FER: variants seen among roughly 807,000 people sequenced by gnomAD.
The protein encoded by FER is tyrosine-protein kinase Fer.
FER carries 63 observed loss-of-function variants against 111.0 expected under a neutral mutation model. The observed-to-expected ratio is 0.57, with a 90% CI of 0.46 to 0.70. FER has a LOEUF of 0.70. FER is among the 30% of genes least tolerant of loss of function. FER has a pLI of 0.00. For missense variants in FER, 914 were observed against 954.0 expected (o/e 0.96, Z 0.55); for synonymous variants, 327 against 313.9 (o/e 1.04, Z -0.44).
chr5:108,918,995 T>A (rs190443476), intron 10 of FER, among the ~76,000 whole-genome samples: 1 of 152,344 alleles, frequency 6.6e-6, no homozygotes, highest in East Asian at 1.9e-4. Flanking sequence ...GTTTCAAAAA[T>A]TTTGAAGCTG....
chr5:108,768,737 C>G (rs1752583274), intron 2 of FER, among the ~76,000 whole-genome samples: 2 of 152,170 alleles, frequency 1.3e-5, no homozygotes, highest in East Asian at 1.9e-4. Context: ...GATGAATACA[C>G]TGGATGTTCC....
At chr5:109,069,372 ATAGT>A (rs781333313) in intron 16 of FER, among the ~76,000 whole-genome samples, 4 of 152,190 alleles carry the variant, frequency 2.6e-5, no homozygotes, top group Non-Finnish European at 2.9e-5. Flanking sequence ...CGACACATGG[ATAGT>A]TAGTAGGTGG....
intron 5 of FER, among the ~76,000 whole-genome samples, chr5:108,847,948 T>A (rs1762177438): frequency 6.6e-6 from 1 of 152,138 alleles, no homozygotes; most frequent in Non-Finnish European, 1.5e-5. Context: ...GCAGTGGTGG[T>A]GCGATCATAG....
chr5:109,134,858 G>A (rs1752723621), intron 17 of FER, among the ~76,000 whole-genome samples: 1 of 152,138 alleles, frequency 6.6e-6, no homozygotes, highest in Non-Finnish European at 1.5e-5. Context: ...AGCTTTGTAG[G>A]GGACATGGCT....
At position 108,978,795 on chromosome 5, in the gene FER, T is replaced by G. The variant is rs575021814; in HGVS notation, c.1656+19448T>G. Reference sequence around the variant, plus strand: ...TAATAGGAATATTATAATTAATAAGTCAGAGACAATAGTCTGGTTCTTACT... The same window carrying G: ...TAATAGGAATATTATAATTAATAAGGCAGAGACAATAGTCTGGTTCTTACT... On this transcript the variant is annotated intron_variant, in intron 13 of 19. Coordinates refer to ENST00000281092, the MANE Select transcript of FER (RefSeq NM_005246.4). Among the ~76,000 whole-genome samples the G allele has an allele frequency of 2.1e-4, 32 of 152,280 alleles. No homozygotes were observed. In the East Asian group the frequency reaches 5.8e-3, roughly 28 times the overall value.
At chr5:109,122,208 G>A (rs1029723069) in intron 17 of FER, among the ~76,000 whole-genome samples, 1 of 151,984 alleles carries the variant, frequency 6.6e-6, no homozygotes, top group African/African-American at 2.4e-5. Context: ...GGCCCTTACA[G>A]CTCTAAACTT....
intron 17 of FER, among the ~76,000 whole-genome samples, chr5:109,139,156 C>T (rs1288727940): frequency 2.6e-5 from 4 of 152,040 alleles, no homozygotes; most frequent in South Asian, 4.2e-4. Context: ...AGGAACACAG[C>T]GGAGCTAAGT....
chr5:109,060,772 G>GTATA (rs57784433), intron 16 of FER, among the ~76,000 whole-genome samples: 1,725 of 133,558 alleles, frequency 0.013, 16 homozygotes, highest in Middle Eastern at 0.037. Context: ...GTGTGTGTGT[G>GTATA]TATATATATA....
chr5:108,805,222 T>G (rs1054090727), intron 3 of FER, among the ~76,000 whole-genome samples: 5 of 152,124 alleles, frequency 3.3e-5, no homozygotes, highest in Non-Finnish European at 7.4e-5. Flanking sequence ...ATGGGAACTT[T>G]CCTGCACAAG....
chr5:108,945,578 T>G (rs1756875081), intron 10 of FER, among the ~76,000 whole-genome samples: 1 of 151,320 alleles, frequency 6.6e-6, no homozygotes, highest in Non-Finnish European at 1.5e-5. Context: ...CCCACCCGCC[T>G]TTCTCCTCCT....
chr5:109,032,536 G>A (rs1242026911), intron 13 of FER, among the ~76,000 whole-genome samples: 4 of 152,114 alleles, frequency 2.6e-5, no homozygotes, highest in African/African-American at 9.7e-5. Context: ...AACTAAGACA[G>A]GGACAGTCAG....
rs1410824271 is a variant in FER, at chr5:108,874,337, AG to A, written c.923+2126del. ...CATTGTTTCTTAATTATAGTGATGA[AG>A]CAGTAAACAAAAATGCAATAAATTG... On this transcript the variant is annotated intron_variant, in intron 8 of 19. Coordinates refer to ENST00000281092, the MANE Select transcript of FER (RefSeq NM_005246.4). Among the ~76,000 whole-genome samples, 13 of 152,296 alleles carry A rather than the reference AG, an allele frequency of 8.5e-5. No homozygotes were observed. The East Asian group carries it at 2.5e-3, about 29-fold the overall frequency.
intron 13 of FER, among the ~76,000 whole-genome samples, chr5:108,993,846 T>C (rs1476161166): frequency 1.3e-5 from 2 of 152,190 alleles, no homozygotes; most frequent in Non-Finnish European, 2.9e-5. Context: ...ATGGTATCTT[T>C]GTGGTTTTGA....
chr5:108,947,407 TAGTA>T (rs1314409770), intron 11 of FER, among the ~76,000 whole-genome samples: 1 of 152,076 alleles, frequency 6.6e-6, no homozygotes, highest in African/African-American at 2.4e-5. Context: ...GGGCGTGAAG[TAGTA>T]TCTTACTGTA....
intron 10 of FER, among the ~76,000 whole-genome samples, chr5:108,928,744 TATAC>T (rs1363390809): frequency 1.3e-5 from 2 of 151,324 alleles, no homozygotes; most frequent in Non-Finnish European, 2.9e-5. Flanking sequence ...TATATGTACA[TATAC>T]ATATATATAA....
At chr5:108,999,940 C>T (rs146406690) in intron 13 of FER, among the ~76,000 whole-genome samples, 7 of 152,196 alleles carry the variant, frequency 4.6e-5, no homozygotes, top group Non-Finnish European at 1.0e-4. Flanking sequence ...AATTTCACTA[C>T]ATAGCACACA....
At chr5:109,183,309 C>T (rs544001500) in intron 18 of FER, among the ~76,000 whole-genome samples, 66 of 144,310 alleles carry the variant, frequency 4.6e-4, no homozygotes, top group African/African-American at 1.4e-3. Context: ...AGCGCAGCAG[C>T]GCGATCTAGG....
chr5:109,089,456 C>T (rs1777922684), intron 16 of FER, among the ~76,000 whole-genome samples: 1 of 152,068 alleles, frequency 6.6e-6, no homozygotes, highest in Non-Finnish European at 1.5e-5. Context: ...GTGCTAGTGC[C>T]TTGTAGCATA....
intron 16 of FER, among the ~76,000 whole-genome samples, chr5:109,073,577 A>G (rs1476216766): frequency 1.3e-5 from 2 of 152,194 alleles, no homozygotes; most frequent in African/African-American, 4.8e-5. Context: ...AAAACTATGT[A>G]TAGTAAAGAG....
Sources: gnomAD v4.1 joint callset for allele counts (sites outside exome capture counted in the v4.1 genomes callset) on GRCh38, gnomAD v4.1.1 for gene constraint, MANE v1.5 for transcripts, NCBI Gene and HGNC (gene_info 2026-07-23, HGNC 2026-07-21) for gene names.